Variants in TRIM65 observed in about 807,000 individuals in gnomAD.
TRIM65 encodes E3 ubiquitin-protein ligase TRIM65.
In TRIM65, 46 loss-of-function variants were observed where a neutral mutation model predicts 36.1. The observed-to-expected ratio is 1.27, with a 90% CI of 1.01 to 1.63. The LOEUF (loss-of-function observed/expected upper bound fraction) is 1.63. TRIM65 is among the 40% of genes most tolerant of loss of function. The pLI, the probability that TRIM65 is intolerant of heterozygous loss-of-function variation, is 0.00. For missense variants in TRIM65, 708 were observed against 696.6 expected (o/e 1.02, Z -0.18); for synonymous variants, 346 against 313.6 (o/e 1.10, Z -1.09).
At position 75,890,844 on chromosome 17, in the gene TRIM65, G is replaced by C. The variant is rs2065253840; in HGVS notation, c.1489C>G (p.Leu497Val). Residue 497 changes from leucine (L) to valine (V), a missense_variant, in exon 6 of 6, where the codon CTG becomes GTG. Leu to Val is a conservative substitution (Grantham distance 32). Transcript: ENST00000269383. ...GCCCCTGGCTGATGGCACAGGGTCA[G>C]GGTCCTACCCTCGAGGAGCCAGAAG... ...PVFWLLEGRT[L>V]TLCHQPGAVF... 2.0e-6 allele frequency: 3 copies of C among 1,527,518 alleles called. No individual in the cohort carries two copies. Among genetic ancestry groups the C allele is most frequent in the Non-Finnish European group, 2.6e-6 (3 of 1,141,318 alleles). 94.6% of individuals were successfully genotyped at this position (1,527,518 alleles called of 1,614,324 possible).
downstream of TRIM65, among the ~76,000 whole-genome samples, chr17:75,884,021 C>G (rs1433874415): frequency 2.0e-5 from 3 of 151,974 alleles, no homozygotes; most frequent in South Asian, 2.1e-4. Context: ...GCCTGTAGTC[C>G]CAGCTACTCA....
chr17:75,890,584 T>C lies in TRIM65; in HGVS notation c.*195A>G. 1 of 537,626 alleles carries C rather than the reference T, an allele frequency of 1.9e-6. No homozygotes were observed. Among genetic ancestry groups the C allele is most frequent in the Admixed American group, 3.8e-5 (1 of 26,466 alleles). 33.3% of individuals were successfully genotyped at this position (537,626 alleles called of 1,614,324 possible). ...GGCAAGGGCATCCCATTTATCCCCC[T>C]CCTAGACTGTGTCCCCTTCAAAAAG... On this transcript the variant is annotated 3_prime_UTR_variant, in exon 6 of 6. Transcript: ENST00000269383.
chr17:75,895,975 G>A (rs2065340673), intron 1 of TRIM65, among the ~76,000 whole-genome samples: 2 of 152,226 alleles, frequency 1.3e-5, no homozygotes, highest in Non-Finnish European at 2.9e-5. Context: ...TTCATCCAGA[G>A]GGCACCGAGC....
At chr17:75,892,984 CACCGGCCTCGGTCTA>C in intron 1 of TRIM65, 134 bp from the exon 2 acceptor site, 1 of 744,576 alleles carries the variant, frequency 1.3e-6, no homozygotes. Flanking sequence ...GCCTCCAGAG[CACCGGCCTCGGTCTA>C]ACCCAGGGAG....
chr17:75,882,215 T>C (rs1423437789), intron 4 of TRIM65, among the ~76,000 whole-genome samples: 1 of 150,214 alleles, frequency 6.7e-6, no homozygotes, highest in Non-Finnish European at 1.5e-5. Context: ...CTACTTCTTT[T>C]CTTTTTTTTT....
At chr17:75,894,087 C>T (rs570592485) in intron 1 of TRIM65, among the ~76,000 whole-genome samples, 18 of 152,180 alleles carry the variant, frequency 1.2e-4, no homozygotes, top group Non-Finnish European at 1.6e-4. Flanking sequence ...TCTAAAATCT[C>T]CATTCTAGGC....
downstream of TRIM65, among the ~76,000 whole-genome samples, chr17:75,885,169 A>C (rs1436736541): frequency 1.3e-5 from 2 of 150,834 alleles, no homozygotes; most frequent in African/African-American, 4.9e-5. Flanking sequence ...CTCGTGATCC[A>C]CCTGCCTCGG....
Position 75,896,885 on chromosome 17 carries a change from A to C in TRIM65, c.53T>G (p.Leu18Arg). 1 of 1,524,274 alleles carries C rather than the reference A, an allele frequency of 6.6e-7. No individual in the cohort carries two copies. Among genetic ancestry groups the C allele is most frequent in the Non-Finnish European group, 8.8e-7 (1 of 1,140,012 alleles). The allele number at this position is 1,524,274 out of a possible 1,614,324, so 94.4% of individuals were successfully genotyped here. A position where few individuals can be genotyped will look rare whatever the true frequency, so the allele number is the denominator to read the frequency against. ...GGGCAGCGTCACTGGGTCCTGGTAGAGCCCCAGGCAGATGGCGCAGGTCAG... is the reference window on the plus strand; with the variant it reads ...GGGCAGCGTCACTGGGTCCTGGTAGCGCCCCAGGCAGATGGCGCAGGTCAG... ...EKLTCAICLG[L>R]YQDPVTLPCG... Residue 18 changes from leucine to arginine, a missense_variant, in exon 1 of 6, where the codon CTC becomes CGC. Leu to Arg is a moderately radical substitution (Grantham distance 102). Transcript: ENST00000269383.
Position 75,892,386 on chromosome 17 carries a change from C to T in TRIM65, c.625G>A (p.Ala209Thr), listed in dbSNP as rs2144071621. The change falls in exon 3 of 6, where the codon GCG becomes ACG. Residue 209 changes from alanine to threonine, a missense_variant. By Grantham distance (58) the Ala-to-Thr change is moderately conservative. Transcript: ENST00000269383. ...TCCTCGTCTCGAGCCTGTGCCAGCG[C>T]CTGCGTCTTGGCCACCTCGATGCTC... is the stretch of plus-strand genomic sequence containing the variant. The part of the protein sequence containing the change: ...LRSIEVAKTQ[A>T]LAQARDEEQR... The T allele has an allele frequency of 6.2e-7, 1 of 1,613,920 alleles. No individual in the cohort carries two copies. The highest frequency in any genetic ancestry group is 1.1e-5 in the South Asian group (1 of 91,074).
chr17:75,885,915 C>A (rs1035701213), downstream of TRIM65, among the ~76,000 whole-genome samples: 4 of 152,210 alleles, frequency 2.6e-5, no homozygotes, highest in African/African-American at 9.6e-5. Flanking sequence ...CCCTTGTTCT[C>A]TTTACCCTTC....
chr17:75,895,618 G>A (rs1309327774), intron 1 of TRIM65, among the ~76,000 whole-genome samples: 1 of 152,118 alleles, frequency 6.6e-6, no homozygotes, highest in Non-Finnish European at 1.5e-5. Flanking sequence ...CCTGGCTTGC[G>A]CTTCCTCAAT....
chr17:75,894,674 C>G (rs541811409), intron 1 of TRIM65, among the ~76,000 whole-genome samples: 1 of 152,362 alleles, frequency 6.6e-6, no homozygotes, highest in African/African-American at 2.4e-5. Context: ...GGACTACAGG[C>G]GCCCGCCACC....
rs1325272623 is a variant in TRIM65 at position 75,891,264 on chromosome 17, G to A, written c.1069C>T (p.Arg357Cys). The A allele has an allele frequency of 2.5e-6, 4 of 1,613,018 alleles. No individual in the cohort carries two copies. Among genetic ancestry groups the A allele is most frequent in the Non-Finnish European group, 3.4e-6 (4 of 1,179,772 alleles). Reference sequence around the variant, plus strand: ...GGCCCGCCTGGGCCCCGGGACTGACGACAGTGCTTCACCTGCTGGTCCTGG... The same window carrying A: ...GGCCCGCCTGGGCCCCGGGACTGACAACAGTGCTTCACCTGCTGGTCCTGG... ...SRQDQQVKHC[R>C]QSRGPGGPGS... Residue 357 changes from arginine to cysteine, a missense_variant, in exon 6 of 6, where the codon CGT becomes TGT. Transcript: ENST00000269383.
downstream of TRIM65, among the ~76,000 whole-genome samples, chr17:75,884,152 A>G (rs923715372): frequency 2.0e-5 from 3 of 151,552 alleles, no homozygotes; most frequent in East Asian, 3.9e-4. Context: ...TAAATAAATA[A>G]ATAGATAGAT....
chr17:75,891,160 T>TGG lies in TRIM65; in HGVS notation c.1172_1173insCC (p.Asp392GlnfsTer5), dbSNP rs2065260016. On this transcript the variant is annotated frameshift_variant, in exon 6 of 6. Coordinates refer to ENST00000269383, the MANE Select transcript of TRIM65 (RefSeq NM_173547.4). LOFTEE classifies it low-confidence loss of function (END_TRUNC). The stretch of plus-strand genomic sequence containing the variant: ...AGACGCCCAGTGTCACCGAGTGGTC[T>TGG]GACGCGCGCACCTCCCAGTAGTGGT... The TGG allele has an allele frequency of 1.9e-6, 3 of 1,609,022 alleles. No individual in the cohort carries two copies. In the African/African-American group the frequency reaches 4.0e-5, roughly 21 times the overall value.
At chr17:75,887,971 C>T (rs924253398), downstream of TRIM65, among the ~76,000 whole-genome samples, 2 of 151,922 alleles carry the variant, frequency 1.3e-5, no homozygotes, top group African/African-American at 2.4e-5. Context: ...CTGGCTAACA[C>T]GGTGAAACCC....
At chr17:75,893,027 G>A (rs72860400) in intron 1 of TRIM65, among the ~76,000 whole-genome samples, 177 bp from the exon 2 acceptor site, 38 of 152,104 alleles carry the variant, frequency 2.5e-4, no homozygotes, top group African/African-American at 1.2e-4. Context: ...GCCGTGCCCC[G>A]GGGGGGTCCA....
At chr17:75,896,205 G>A (rs1271691439) in intron 1 of TRIM65, among the ~76,000 whole-genome samples, 1 of 152,156 alleles carries the variant, frequency 6.6e-6, no homozygotes, top group African/African-American at 2.4e-5. Flanking sequence ...ACAGGCGCCC[G>A]CCACCACGCC....
At chr17:75,882,573 A>G (rs56000661) in intron 4 of TRIM65, among the ~76,000 whole-genome samples, 1 of 149,910 alleles carries the variant, frequency 6.7e-6, no homozygotes, top group South Asian at 2.1e-4. Context: ...GTATTAGTTC[A>G]CTTCAAAATG....
Sources: gnomAD v4.1 joint callset for allele counts (sites outside exome capture counted in the v4.1 genomes callset) on GRCh38, gnomAD v4.1.1 for gene constraint, MANE v1.5 for transcripts, NCBI Gene and HGNC (gene_info 2026-07-23, HGNC 2026-07-21) for gene names.